Variants in TMEM229B observed in about 807,000 individuals in gnomAD.
TMEM229B encodes the protein chromosome 14 open reading frame 83.
A neutral mutation model predicts 13.7 loss-of-function variants in TMEM229B; 6 were observed. The observed-to-expected ratio is 0.44, with a 90% CI of 0.24 to 0.86. The LOEUF (loss-of-function observed/expected upper bound fraction) is 0.86. Among genes scored for constraint, TMEM229B ranks in the 40% least tolerant of loss-of-function variants. The pLI, the probability that TMEM229B is intolerant of heterozygous loss-of-function variation, is 0.23. For missense variants in TMEM229B, 170 were observed against 236.0 expected (o/e 0.72, Z 1.83); for synonymous variants, 107 against 102.1 (o/e 1.05, Z -0.29).
chr14:67,476,360 G>A (rs2031195440), intron 2 of TMEM229B, among the ~76,000 whole-genome samples: 1 of 152,178 alleles, frequency 6.6e-6, no homozygotes, highest in Non-Finnish European at 1.5e-5. Flanking sequence ...GCTGAGGCGG[G>A]TGGATCACCT....
chr14:67,527,975 C>T (rs1301590145), intron 1 of TMEM229B, among the ~76,000 whole-genome samples: 2 of 152,144 alleles, frequency 1.3e-5, no homozygotes, highest in Non-Finnish European at 2.9e-5. Flanking sequence ...TACTGAGCCA[C>T]CTACTCCTCC....
In TMEM229B at chr14:67,473,105, C is replaced by A; in HGVS notation, c.*315G>T. The stretch of plus-strand genomic sequence containing the variant: ...TCATTGTCCCTTGGCCAGGACAGGG[C>A]CTGCTGCTTCCAAAGTCAACTACAT... On this transcript the variant is annotated 3_prime_UTR_variant, in exon 3 of 3. Transcript: ENST00000554480. This position sits in a 1 kb window ranked among gnomAD's most constrained non-coding sequence, Gnocchi z 6.5. 5.6e-6 allele frequency: 2 copies of A among 359,900 alleles called. No individual in the cohort carries two copies. The highest frequency in any genetic ancestry group is 1.0e-5 in the Non-Finnish European group (2 of 192,128). 22.3% of individuals were successfully genotyped at this position (359,900 alleles called of 1,614,324 possible). A position where few individuals can be genotyped will look rare whatever the true frequency, so the allele number is the denominator to read the frequency against.
intron 1 of TMEM229B, among the ~76,000 whole-genome samples, chr14:67,529,421 C>A (rs1241815320): frequency 6.6e-6 from 1 of 152,176 alleles, no homozygotes; most frequent in Non-Finnish European, 1.5e-5. Context: ...TCCTTCCTAG[C>A]ACAGTGGCTG....
intron 1 of TMEM229B, among the ~76,000 whole-genome samples, chr14:67,509,467 A>C (rs2032953559): frequency 6.6e-6 from 1 of 152,080 alleles, no homozygotes; most frequent in Admixed American, 6.5e-5. Context: ...TACAGGCACG[A>C]GCCGCCATGC....
chr14:67,520,058 G>A (rs578148304), upstream of TMEM229B, among the ~76,000 whole-genome samples: 2 of 152,128 alleles, frequency 1.3e-5, no homozygotes, highest in East Asian at 3.9e-4. Flanking sequence ...TAGGTTCACA[G>A]CAAAATTGAG....
intron 2 of TMEM229B, among the ~76,000 whole-genome samples, chr14:67,483,229 T>C (rs1315449590): frequency 6.6e-6 from 1 of 152,182 alleles, no homozygotes; most frequent in East Asian, 1.9e-4. Flanking sequence ...CAGGCTGGTC[T>C]TGAACTCCTG....
At chr14:67,525,986 C>T (rs930306823) in intron 1 of TMEM229B, among the ~76,000 whole-genome samples, 15 of 152,202 alleles carry the variant, frequency 9.9e-5, no homozygotes, top group Non-Finnish European at 1.8e-4. Context: ...CAGAGCAATG[C>T]CTACTGGCTT....
At position 67,478,125 on chromosome 14, in the gene TMEM229B, G is replaced by T. The variant is rs550158832; in HGVS notation, c.-18-4184C>A. Among the ~76,000 whole-genome samples, 160 of 152,344 alleles carry T rather than the reference G, an allele frequency of 1.1e-3. 1 individual carries two copies. Among genetic ancestry groups the T allele is most frequent in the Middle Eastern group, 3.4e-3 (1 of 294 alleles). The stretch of plus-strand genomic sequence containing the variant: ...ATTACAGCTCACATGTCTGTGGTTG[G>T]CAGACGGCTGGGGCAGCGTAGCTCC... On this transcript the variant is annotated intron_variant, in intron 2 of 2. Transcript: ENST00000554480.
Position 67,473,227 on chromosome 14 carries a change from CCCCA to C in TMEM229B, c.*189_*192del. The C allele has an allele frequency of 1.4e-6, 1 of 711,346 alleles. No individual in the cohort carries two copies. Among genetic ancestry groups the C allele is most frequent in the Non-Finnish European group, 2.3e-6 (1 of 440,366 alleles). The allele number at this position is 711,346 out of a possible 1,614,324, so 44.1% of individuals were successfully genotyped here. ...CCAATGTCCCTCTGCTGCCTCCACA[CCCCA>C]TCCCCCAACACCTGACCACGGCCCC... On this transcript the variant is annotated 3_prime_UTR_variant, in exon 3 of 3. Transcript: ENST00000554480. The surrounding 1 kb of genome is among the most constrained non-coding windows in gnomAD (Gnocchi z 6.5).
At chr14:67,511,421 C>T (rs1260774469) in intron 1 of TMEM229B, among the ~76,000 whole-genome samples, 3 of 152,106 alleles carry the variant, frequency 2.0e-5, no homozygotes, top group South Asian at 2.1e-4. Flanking sequence ...TCTGAGGACC[C>T]GAGACCTGTC....
intron 2 of TMEM229B, among the ~76,000 whole-genome samples, chr14:67,479,299 G>A (rs932935665): frequency 4.6e-5 from 7 of 151,844 alleles, no homozygotes; most frequent in Non-Finnish European, 7.4e-5. Flanking sequence ...CCAGCTACTC[G>A]GGAGGCTGAG....
At chr14:67,492,588 C>T (rs2032212637), upstream of TMEM229B, among the ~76,000 whole-genome samples, 1 of 152,220 alleles carries the variant, frequency 6.6e-6, no homozygotes, top group Non-Finnish European at 1.5e-5. Context: ...GACCCTGCCC[C>T]TTTGTTGCCT....
chr14:67,528,512 T>C (rs1445873381), intron 1 of TMEM229B, among the ~76,000 whole-genome samples: 1 of 152,182 alleles, frequency 6.6e-6, no homozygotes, highest in Non-Finnish European at 1.5e-5. Flanking sequence ...TGATGAAAGC[T>C]GTTGGAGAAA....
chr14:67,515,635 C>A (rs1387797280), upstream of TMEM229B: 1 of 152,340 alleles, frequency 6.6e-6, no homozygotes, highest in Non-Finnish European at 1.5e-5. Flanking sequence ...AGGGCCGCGG[C>A]GCAGGTGGCT....
chr14:67,473,662 C>A lies in TMEM229B; in HGVS notation c.262G>T (p.Glu88Ter). ...LIYTLWTYLWEFTTGFILRQF... is the reference protein window; with the variant it reads ...LIYTLWTYLW ...CGCAGGATGAAGCCGGTGGTGAACT[C>A]CCACAGGTAGGTCCAGAGCGTGTAG... Residue 88 changes from glutamate to a stop codon, truncating the protein, a stop_gained, in exon 3 of 3, where the codon GAG becomes TAG. Transcript: ENST00000554480. LOFTEE classifies it high-confidence loss of function. This position sits in a 1 kb window ranked among gnomAD's most constrained non-coding sequence, Gnocchi z 6.5. 6.3e-7 allele frequency: 1 copy of A among 1,580,422 alleles called. No individual in the cohort carries two copies. The highest frequency in any genetic ancestry group is 8.6e-7 in the Non-Finnish European group (1 of 1,163,302).
At chr14:67,492,434 TGTCA>T (rs1014063862), upstream of TMEM229B, among the ~76,000 whole-genome samples, 14 of 152,216 alleles carry the variant, frequency 9.2e-5, no homozygotes, top group African/African-American at 3.1e-4. Context: ...AGCCTTCTCC[TGTCA>T]GTCAGAAAAA....
chr14:67,496,113 C>A (rs1315649331), intron 1 of TMEM229B, among the ~76,000 whole-genome samples: 3 of 152,220 alleles, frequency 2.0e-5, no homozygotes, highest in Non-Finnish European at 4.4e-5. Context: ...TGCTTGAGCC[C>A]AGGAGGGCAA....
At chr14:67,495,875 C>T (rs766130060) in intron 1 of TMEM229B, among the ~76,000 whole-genome samples, 4 of 152,244 alleles carry the variant, frequency 2.6e-5, no homozygotes, top group Non-Finnish European at 5.9e-5. Context: ...ATGTTCCTAC[C>T]TTCTGATCTC....
rs535835468 is a variant in TMEM229B, at chr14:67,473,912, G to A, written c.12C>T (p.Ala4=). 3.7e-6 allele frequency: 6 copies of A among 1,603,380 alleles called. No homozygotes were observed. The East Asian group carries it at 6.7e-5, about 18-fold the overall frequency. MAS[A]EPLTALSRWY... ...AGCGGGACAGCGCCGTCAGGGGCTCGGCAGACGCCATGGCGCCGACTGGGG... is the reference window on the plus strand; with the variant it reads ...AGCGGGACAGCGCCGTCAGGGGCTCAGCAGACGCCATGGCGCCGACTGGGG... Residue 4 remains alanine (A), a synonymous_variant, in exon 3 of 3, where the codon GCC becomes GCT. Coordinates refer to ENST00000554480, the MANE Select transcript of TMEM229B (RefSeq NM_001348543.2). This position sits in a 1 kb window ranked among gnomAD's most constrained non-coding sequence, Gnocchi z 6.5.
Sources: gnomAD v4.1 joint callset for allele counts (sites outside exome capture counted in the v4.1 genomes callset) on GRCh38, gnomAD v4.1.1 for gene constraint, Gnocchi (gnomAD v3.1) non-coding constraint, MANE v1.5 for transcripts, NCBI Gene and HGNC (gene_info 2026-07-23, HGNC 2026-07-21) for gene names.